VPS37A: variants seen among roughly 807,000 people sequenced by gnomAD.
The protein encoded by VPS37A is VPS37A subunit of ESCRT-I.
VPS37A carries 30 observed loss-of-function variants against 49.8 expected under a neutral mutation model. The ratio of observed to expected loss-of-function variants is 0.60; its 90% CI spans 0.45 to 0.82. The LOEUF is 0.82. Among genes scored for constraint, VPS37A ranks in the 40% least tolerant of loss-of-function variants. The pLI is 0.00. For synonymous variants in VPS37A, 195 were observed against 160.6 expected, an observed-to-expected ratio of 1.21 and a Z score of -1.62; for missense variants, 593 against 464.4, an observed-to-expected ratio of 1.28 and a Z score of -2.55.
intron 5 of VPS37A, among the ~76,000 whole-genome samples, chr8:17,276,098 A>G (rs1224614604): frequency 6.6e-6 from 1 of 152,162 alleles, no homozygotes; most frequent in Non-Finnish European, 1.5e-5. Flanking sequence ...ACATATTCAT[A>G]TATACCAATG....
At chr8:17,275,089 C>A in intron 5 of VPS37A, 131 bp downstream of exon 5, 2 of 830,530 alleles carry the variant, frequency 2.4e-6, no homozygotes, top group Non-Finnish European at 1.9e-6. Context: ...TCACATTTTT[C>A]AATTCAAGTA....
the VPS37A span, among the ~76,000 whole-genome samples, chr8:17,325,356 C>T: frequency 6.6e-6 from 1 of 152,158 alleles, no homozygotes; most frequent in South Asian, 2.1e-4. Context: ...GATTTCAATC[C>T]ATCAGGCCTC....
chr8:17,248,531 C>A, intron 1 of VPS37A: 1 of 349,762 alleles, frequency 2.9e-6, no homozygotes, highest in South Asian at 2.1e-5. Context: ...CCGCTTCGGC[C>A]TCCCAAAGTG....
At chr8:17,273,645 C>T (rs761083309) in intron 4 of VPS37A, among the ~76,000 whole-genome samples, 1 of 152,128 alleles carries the variant, frequency 6.6e-6, no homozygotes, top group South Asian at 2.1e-4. Flanking sequence ...GGATTACAGG[C>T]GTGTATTAGG....
At chr8:17,315,818 C>A in the VPS37A span, among the ~76,000 whole-genome samples, 1 of 152,060 alleles carries the variant, frequency 6.6e-6, no homozygotes. Context: ...TCAAGAACAG[C>A]CTATATAAAG....
chr8:17,287,651 C>G (rs1815734595), intron 11 of VPS37A, among the ~76,000 whole-genome samples: 1 of 151,942 alleles, frequency 6.6e-6, no homozygotes, highest in Non-Finnish European at 1.5e-5. Context: ...GCACTCCAAC[C>G]TGGGTGACAG....
intron 1 of VPS37A, among the ~76,000 whole-genome samples, chr8:17,257,894 T>C (rs1812620047): frequency 1.3e-5 from 2 of 152,220 alleles, no homozygotes; most frequent in African/African-American, 4.8e-5. Context: ...TTTATATTCT[T>C]TGTAACTATT....
At chr8:17,269,209 C>G (rs576382023) in intron 4 of VPS37A, among the ~76,000 whole-genome samples, 3 of 152,204 alleles carry the variant, frequency 2.0e-5, no homozygotes, top group Admixed American at 1.3e-4. Flanking sequence ...CTGTTGGCCT[C>G]CTATTGTAAT....
the VPS37A span, chr8:17,331,321 T>C: frequency 3.9e-5 from 61 of 1,544,574 alleles, no homozygotes; most frequent in South Asian, 2.2e-4. Context: ...ATCAATTACA[T>C]TGATGAAACA....
intron 4 of VPS37A, among the ~76,000 whole-genome samples, chr8:17,272,221 G>T (rs1239106426): frequency 6.6e-6 from 1 of 152,146 alleles, no homozygotes; most frequent in African/African-American, 2.4e-5. Flanking sequence ...CTTCTGAGGG[G>T]ACTTCCAGCC....
chr8:17,266,845 C>G (rs940762685), intron 2 of VPS37A, among the ~76,000 whole-genome samples: 12 of 152,048 alleles, frequency 7.9e-5, no homozygotes, highest in African/African-American at 2.7e-4. Flanking sequence ...ACAATCTTGG[C>G]CACTGCAACC....
Position 17,257,797 on chromosome 8 carries a change from A to G in VPS37A, c.126-8110A>G, listed in dbSNP as rs55938742. Among the ~76,000 whole-genome samples, 305 of 152,110 alleles carry G rather than the reference A, an allele frequency of 2.0e-3. 1 individual carries two copies. The highest frequency in any genetic ancestry group is 7.2e-3 in the African/African-American group (297 of 41,494). On this transcript the variant is annotated intron_variant, in intron 1 of 11. Coordinates refer to ENST00000324849, the MANE Select transcript of VPS37A (RefSeq NM_152415.3). ...GAATATGTTTCCATTTTTTTTGTAC[A>G]TGTCCTCTTCAATTTCTTTCATCAG...
At chr8:17,313,395 T>G in the VPS37A span, 3 of 1,607,246 alleles carry the variant, frequency 1.9e-6, no homozygotes, top group African/African-American at 4.0e-5. Flanking sequence ...AGATTTAAGT[T>G]CACACACTGC....
chr8:17,302,991 G>T (rs964682264), downstream of VPS37A, among the ~76,000 whole-genome samples: 1 of 151,922 alleles, frequency 6.6e-6, no homozygotes, highest in Non-Finnish European at 1.5e-5. Flanking sequence ...GATTATAGGC[G>T]GGAGCCACCA....
At chr8:17,284,021 T>C (rs777342218) in intron 9 of VPS37A, among the ~76,000 whole-genome samples, 56 of 152,308 alleles carry the variant, frequency 3.7e-4, no homozygotes, top group Non-Finnish European at 4.4e-4. Flanking sequence ...CAGTTTTCTG[T>C]TTATCAGTCT....
At chr8:17,330,246 C>T in the VPS37A span, among the ~76,000 whole-genome samples, 3 of 152,184 alleles carry the variant, frequency 2.0e-5, no homozygotes, top group African/African-American at 7.2e-5. Context: ...AATTCAGCAC[C>T]TTATTTGTCC....
intron 1 of VPS37A, chr8:17,248,400 G>A: frequency 8.8e-6 from 4 of 454,482 alleles, no homozygotes; most frequent in South Asian, 6.2e-5. Flanking sequence ...ACACCCCTCC[G>A]AGTAGCTGGG....
At chr8:17,331,232 G>A in the VPS37A span, 2 of 1,611,794 alleles carry the variant, frequency 1.2e-6, no homozygotes, top group Non-Finnish European at 1.7e-6. Context: ...TGGAATAATT[G>A]TCTTCATTCT....
intron 4 of VPS37A, among the ~76,000 whole-genome samples, chr8:17,269,665 C>G (rs1010999918): frequency 1.3e-5 from 2 of 152,162 alleles, no homozygotes; most frequent in African/African-American, 4.8e-5. Flanking sequence ...TTGAGTAACT[C>G]TCACCAGGAA....
Sources: allele counts gnomAD v4.1 joint callset (sites outside exome capture counted in the v4.1 genomes callset), GRCh38; gene constraint gnomAD v4.1.1; transcripts MANE v1.5; gene names NCBI Gene and HGNC (gene_info 2026-07-23, HGNC 2026-07-21).